MIAT: variants seen among roughly 807,000 people sequenced by gnomAD.
MIAT encodes the protein MI related novel mRNA.
Position 26,675,608 on chromosome 22 carries a change from A to G in MIAT, n.9276A>G, listed in dbSNP as rs536004496. ...CCCAGTTGGAAGTATCTCTGCAATG[A>G]CTGGAAAGTAAAGAGGACCAAGGTG... On this transcript the variant is annotated non_coding_transcript_exon_variant, in exon 5 of 5. Coordinates refer to the MIAT transcript ENST00000613780. The G allele has an allele frequency of 2.5e-4, 98 of 398,672 alleles. No individual in the cohort carries two copies. The East Asian group carries it at 3.5e-3, about 14-fold the overall frequency. The allele number at this position is 398,672 out of a possible 1,614,324, so 24.7% of individuals were successfully genotyped here.
chr22:26,673,536 C>A, downstream of MIAT: 1 of 398,726 alleles, frequency 2.5e-6, no homozygotes, highest in Non-Finnish European at 4.4e-6. Context: ...CTGTTCCTTT[C>A]AGCAGAAACT....
intron 2 of MIAT, among the ~76,000 whole-genome samples, chr22:26,655,039 G>A (rs1380511195): frequency 6.6e-6 from 1 of 152,202 alleles, no homozygotes; most frequent in Non-Finnish European, 1.5e-5. Context: ...GGACTTTTGT[G>A]ATTACATTGG....
At chr22:26,653,942 G>A (rs1295273363) in intron 2 of MIAT, among the ~76,000 whole-genome samples, 1 of 152,136 alleles carries the variant, frequency 6.6e-6, no homozygotes, top group Non-Finnish European at 1.5e-5. Flanking sequence ...GTTTCACCAT[G>A]CTTGGCCAGA....
At chr22:26,673,489 C>G, downstream of MIAT, 1 of 398,804 alleles carries the variant, frequency 2.5e-6, no homozygotes, top group Non-Finnish European at 4.4e-6. Flanking sequence ...TCTTAATTAA[C>G]CTTTCCTTCA....
At chr22:26,672,917 T>A (rs1192856738), downstream of MIAT, 1 of 398,408 alleles carries the variant, frequency 2.5e-6, no homozygotes, top group Non-Finnish European at 4.4e-6. Flanking sequence ...AGAGGACTCT[T>A]TCCCACACAG....
chr22:26,657,711 G>A, intron 2 of MIAT: 2 of 398,664 alleles, frequency 5.0e-6, no homozygotes, highest in Non-Finnish European at 8.8e-6. Flanking sequence ...GTCCCCTAAC[G>A]GGGAACAGCC....
At chr22:26,669,770 TG>T (rs1296266881), downstream of MIAT, 6 of 398,760 alleles carry the variant, frequency 1.5e-5, no homozygotes, top group Non-Finnish European at 2.7e-5. Flanking sequence ...GGTACCATGC[TG>T]GGGTGGCTCA....
At chr22:26,671,203 T>C (rs568085026), downstream of MIAT, 4 of 398,640 alleles carry the variant, frequency 1.0e-5, no homozygotes, top group East Asian at 1.4e-4. Context: ...AGCTGAAATA[T>C]TTGCAGGGGG....
At chr22:26,675,661 C>A (rs1178522315) in exon 5 of MIAT, 2 of 398,570 alleles carry the variant, frequency 5.0e-6, no homozygotes, top group African/African-American at 4.1e-5. Context: ...GGGGAGCAAT[C>A]TTGAAAACAT....
downstream of MIAT, chr22:26,673,132 G>C (rs1182123135): frequency 5.0e-6 from 2 of 398,566 alleles, no homozygotes; most frequent in South Asian, 1.3e-4. Context: ...GCAGGAGAGA[G>C]AAGTGGGGAG....
intron 2 of MIAT, among the ~76,000 whole-genome samples, chr22:26,657,864 C>G (rs2146002845): frequency 6.6e-6 from 1 of 152,276 alleles, no homozygotes; most frequent in Non-Finnish European, 1.5e-5. Flanking sequence ...AAGACTCTGG[C>G]TGGGATGGGG....
intron 2 of MIAT, among the ~76,000 whole-genome samples, chr22:26,653,525 T>A (rs1014234099): frequency 8.5e-5 from 13 of 152,156 alleles, no homozygotes; most frequent in African/African-American, 3.1e-4. Context: ...GTACGTAGGC[T>A]AGGATAATTT....
At chr22:26,673,246 G>A (rs1172146398), downstream of MIAT, 4 of 398,834 alleles carry the variant, frequency 1.0e-5, no homozygotes, top group East Asian at 1.4e-4. Flanking sequence ...GCCTCAGCCA[G>A]CCTCCCCCAG....
chr22:26,666,019 C>T lies in MIAT; in HGVS notation n.1218C>T, dbSNP rs1050152210. ...ATAAACCTTGGACAGGGCTCCTTGGCCTTAGAGTTAAGTGAAGAGTTAACA... is the reference window on the plus strand; with the variant it reads ...ATAAACCTTGGACAGGGCTCCTTGGTCTTAGAGTTAAGTGAAGAGTTAACA... On this transcript the variant is annotated non_coding_transcript_exon_variant, in exon 4 of 6. Coordinates refer to ENST00000643270, the Ensembl canonical transcript of MIAT. 10 of 398,500 alleles carry T rather than the reference C, an allele frequency of 2.5e-5. No homozygotes were observed. The South Asian group carries it at 3.8e-4, about 15-fold the overall frequency. 24.7% of individuals were successfully genotyped at this position (398,500 alleles called of 1,614,324 possible).
intron 2 of MIAT, among the ~76,000 whole-genome samples, chr22:26,648,321 A>G (rs532199931): frequency 6.6e-6 from 1 of 152,200 alleles, no homozygotes; most frequent in Non-Finnish European, 1.5e-5. Flanking sequence ...AAAAGGCCAG[A>G]CAAAGAAGCA....
chr22:26,651,548 C>A (rs1043197507), intron 2 of MIAT, among the ~76,000 whole-genome samples: 1 of 152,072 alleles, frequency 6.6e-6, no homozygotes, highest in Non-Finnish European at 1.5e-5. Flanking sequence ...AGGTACGTAC[C>A]CAAAAGAACG....
intron 2 of MIAT, among the ~76,000 whole-genome samples, chr22:26,661,757 T>C (rs1404739837): frequency 1.3e-5 from 2 of 151,820 alleles, no homozygotes; most frequent in African/African-American, 2.4e-5. Context: ...CTACAGACTG[T>C]GAAAGCAACC....
exon 1 of MIAT, chr22:26,646,954 A>T (rs981088062): frequency 5.0e-6 from 2 of 398,534 alleles, no homozygotes; most frequent in Non-Finnish European, 8.8e-6. Flanking sequence ...AACCCAGACA[A>T]GCCAGGTAAG....
At chr22:26,651,051 C>A (rs1930327802) in intron 2 of MIAT, among the ~76,000 whole-genome samples, 1 of 151,568 alleles carries the variant, frequency 6.6e-6, no homozygotes. Flanking sequence ...TTCATTGCAT[C>A]TGATGGTGAT....
Sources: allele counts gnomAD v4.1 joint callset (sites outside exome capture counted in the v4.1 genomes callset), GRCh38; gene constraint gnomAD v4.1.1; transcripts MANE v1.5; gene names NCBI Gene and HGNC (gene_info 2026-07-23, HGNC 2026-07-21).